TEC: variants seen among roughly 807,000 people sequenced by gnomAD.
The protein encoded by TEC is tyrosine-protein kinase Tec.
A neutral mutation model predicts 93.0 loss-of-function variants in TEC; 72 were observed. The observed-to-expected ratio is 0.77, with a 90% confidence interval of 0.64 to 0.94. The LOEUF (loss-of-function observed/expected upper bound fraction) is 0.94, where lower values mean the gene tolerates loss of function less well. TEC is among the 40% of genes least tolerant of loss of function. The pLI, the probability that TEC is intolerant of heterozygous loss-of-function variation, is 0.00. For missense variants in TEC, 630 were observed against 757.9 expected (o/e 0.83, Z 1.98); for synonymous variants, 249 against 247.7 (o/e 1.01, Z -0.05).
intron 8 of TEC, 60 bp from the exon 9 acceptor site, chr4:48,156,794 T>G: frequency 7.3e-7 from 1 of 1,369,856 alleles, no homozygotes; most frequent in Non-Finnish European, 1.0e-6. Context: ...TTTATTCTTT[T>G]CAGAATTAAT....
chr4:48,190,016 G>A (rs1462041249), intron 2 of TEC, among the ~76,000 whole-genome samples: 2 of 152,044 alleles, frequency 1.3e-5, no homozygotes, highest in Non-Finnish European at 2.9e-5. Context: ...TTTAGCACTC[G>A]GAGCTAAGCA....
intron 1 of TEC, among the ~76,000 whole-genome samples, chr4:48,258,600 G>A (rs1001334777): frequency 6.6e-6 from 1 of 152,088 alleles, no homozygotes; most frequent in African/African-American, 2.4e-5. Flanking sequence ...TCTGTATTCT[G>A]ATACACATTC....
intron 7 of TEC, among the ~76,000 whole-genome samples, chr4:48,164,879 T>C (rs1391517765): frequency 2.0e-5 from 3 of 152,078 alleles, no homozygotes; most frequent in Non-Finnish European, 2.9e-5. Context: ...GGAACATGCC[T>C]ATAATTCCAG....
chr4:48,142,935 G>C (rs1029106866), intron 14 of TEC, among the ~76,000 whole-genome samples: 3 of 152,098 alleles, frequency 2.0e-5, no homozygotes, highest in Non-Finnish European at 2.9e-5. Context: ...GCCCGCCTCG[G>C]CCTCCAAAAG....
In TEC at chr4:48,137,123, G is replaced by A; in HGVS notation, c.*293C>T. On this transcript the variant is annotated 3_prime_UTR_variant, in exon 18 of 18. Transcript: ENST00000381501. Reference sequence around the variant, plus strand: ...GGTCCCATGTGTGCACCCCTGAATGGCCAAACCCTGGGGCTACACACAGTG... The same window carrying A: ...GGTCCCATGTGTGCACCCCTGAATGACCAAACCCTGGGGCTACACACAGTG... 2.8e-6 allele frequency: 1 copy of A among 357,812 alleles called. No individual in the cohort carries two copies. The highest frequency in any genetic ancestry group is 5.1e-6 in the Non-Finnish European group (1 of 195,914). 22.2% of individuals were successfully genotyped at this position (357,812 alleles called of 1,614,324 possible). A position where few individuals can be genotyped will look rare whatever the true frequency, so the allele number is the denominator to read the frequency against.
intron 2 of TEC, among the ~76,000 whole-genome samples, chr4:48,188,610 G>T: frequency 6.6e-6 from 1 of 151,990 alleles, no homozygotes; most frequent in East Asian, 1.9e-4. Context: ...ACAAGCATAT[G>T]TATGTATGTA....
chr4:48,173,382 T>G (rs1043039062), intron 3 of TEC, among the ~76,000 whole-genome samples: 3 of 152,210 alleles, frequency 2.0e-5, no homozygotes, highest in Non-Finnish European at 4.4e-5. Flanking sequence ...ACTTGGGGCA[T>G]TTGTATTTCT....
intron 1 of TEC, among the ~76,000 whole-genome samples, chr4:48,249,272 C>T (rs149990169): frequency 2.0e-4 from 30 of 152,258 alleles, no homozygotes; most frequent in African/African-American, 7.2e-4. Context: ...GCATTCCTAC[C>T]TGGGCTGAGC....
At chr4:48,186,792 C>T (rs1363299333) in intron 2 of TEC, among the ~76,000 whole-genome samples, 4 of 150,138 alleles carry the variant, frequency 2.7e-5, no homozygotes, top group East Asian at 4.0e-4. Flanking sequence ...CCCTGCCAGC[C>T]GCCCCATCTG....
At chr4:48,159,348 A>G (rs1190239879) in intron 8 of TEC, among the ~76,000 whole-genome samples, 4 of 152,276 alleles carry the variant, frequency 2.6e-5, no homozygotes, top group African/African-American at 7.2e-5. Flanking sequence ...CAGACATTAC[A>G]TGGCAAGACA....
intron 14 of TEC, among the ~76,000 whole-genome samples, 177 bp downstream of exon 14, chr4:48,144,902 T>C (rs560658970): frequency 3.3e-5 from 5 of 152,334 alleles, no homozygotes; most frequent in South Asian, 4.1e-4. Flanking sequence ...AATCATTAGA[T>C]TGAATAAAGA....
chr4:48,228,777 C>T, intron 1 of TEC, 118 bp from the exon 2 acceptor site: 1 of 770,230 alleles, frequency 1.3e-6, no homozygotes, highest in Non-Finnish European at 1.9e-6. Context: ...GAGTATTGAT[C>T]TCTGTGCCCA....
intron 15 of TEC, 81 bp from the exon 16 acceptor site, chr4:48,139,103 G>T: frequency 2.3e-6 from 3 of 1,277,464 alleles, no homozygotes; most frequent in Non-Finnish European, 3.4e-6. Context: ...TTTTCCCCTT[G>T]CAATCAAAAA....
At position 48,196,750 on chromosome 4, in the gene TEC, G is replaced by A. The variant is rs186083732; in HGVS notation, c.139-20564C>T. Among the ~76,000 whole-genome samples, 18 of 151,652 alleles carry A rather than the reference G, an allele frequency of 1.2e-4. No homozygotes were observed. In the East Asian group the frequency reaches 2.2e-3, roughly 18 times the overall value. On this transcript the variant is annotated intron_variant, in intron 2 of 17. Transcript: ENST00000381501. ...CGGTTTTCTAAAATTACAGGAGGCC[G>A]TAATAGAAACGACCAGTGTCTACCA...
At chr4:48,168,652 A>T (rs2243840) in intron 5 of TEC, 26 bp from the exon 6 acceptor site, 13 of 1,595,544 alleles carry the variant, frequency 8.1e-6, no homozygotes, top group Middle Eastern at 1.7e-4. Context: ...ACAAAAACAG[A>T]TTAAAATGCT....
intron 1 of TEC, among the ~76,000 whole-genome samples, chr4:48,262,201 C>CTCTTTTTTTTTTTTT (rs1724513091): frequency 2.5e-5 from 2 of 80,208 alleles, no homozygotes; most frequent in East Asian, 4.9e-4. Context: ...CCAAATGTCT[C>CTCTTTTTTTTTTTTT]TTTTTTTTTT....
intron 2 of TEC, among the ~76,000 whole-genome samples, chr4:48,186,557 G>C (rs1721860921): frequency 6.6e-6 from 1 of 150,810 alleles, no homozygotes; most frequent in Non-Finnish European, 1.5e-5. Context: ...ACCCTGTCTG[G>C]GAGGTGAGGA....
At chr4:48,179,368 ATAT>A (rs1721484379) in intron 2 of TEC, among the ~76,000 whole-genome samples, 1 of 37,690 alleles carries the variant, frequency 2.7e-5, no homozygotes, top group Admixed American at 3.2e-4. Context: ...ATATATATAT[ATAT>A]ATATATTTTT....
intron 1 of TEC, among the ~76,000 whole-genome samples, chr4:48,259,108 A>G (rs1438875207): frequency 1.3e-5 from 2 of 152,224 alleles, no homozygotes; most frequent in Admixed American, 6.5e-5. Flanking sequence ...CTCCTTGTTC[A>G]TGACTGTGTA....
Sources: gnomAD v4.1 joint callset for allele counts (sites outside exome capture counted in the v4.1 genomes callset) on GRCh38, gnomAD v4.1.1 for gene constraint, MANE v1.5 for transcripts, NCBI Gene and HGNC (gene_info 2026-07-23, HGNC 2026-07-21) for gene names.